Variants in TMEM132B observed in about 807,000 individuals in gnomAD.
TMEM132B encodes transmembrane protein 132B.
TMEM132B carries 18 observed loss-of-function variants against 90.8 expected under a neutral mutation model. That is an observed-to-expected ratio of 0.20 (90% CI 0.14 to 0.29). The LOEUF is 0.29. Ranked by LOEUF, TMEM132B falls within the 10% of genes least tolerant of loss-of-function variation. The probability of loss-of-function intolerance (pLI) is 1.00; values close to 1 mark genes in which losing one functional copy is unlikely to be tolerated. For missense variants in TMEM132B, 1,096 were observed against 1,326.8 expected, an observed-to-expected ratio of 0.83 and a Z score of 2.70; for synonymous variants, 504 against 523.3, an observed-to-expected ratio of 0.96 and a Z score of 0.50.
At chr12:125,199,182 G>A (rs997507240) in intron 1 of TMEM132B, among the ~76,000 whole-genome samples, 7 of 152,166 alleles carry the variant, frequency 4.6e-5, no homozygotes, top group Admixed American at 2.0e-4. Flanking sequence ...ACACGGCATC[G>A]TATGCACTTT....
At chr12:125,336,913 G>T (rs1427190340) in intron 1 of TMEM132B, among the ~76,000 whole-genome samples, 1 of 152,198 alleles carries the variant, frequency 6.6e-6, no homozygotes, top group Non-Finnish European at 1.5e-5. Context: ...TATTTAAACA[G>T]TCTCCAAGGT....
At chr12:125,509,573 G>A (rs752525870) in intron 3 of TMEM132B, among the ~76,000 whole-genome samples, 4 of 152,124 alleles carry the variant, frequency 2.6e-5, no homozygotes, top group Non-Finnish European at 5.9e-5. Context: ...TAGGTGCATC[G>A]AATATCTCTG....
chr12:125,290,899 G>A lies in TMEM132B; in HGVS notation c.68-58553G>A, dbSNP rs1274958380. Among the ~76,000 whole-genome samples, 5 of 152,304 alleles carry A rather than the reference G, an allele frequency of 3.3e-5. No individual in the cohort carries two copies. The South Asian group carries it at 8.3e-4, about 25-fold the overall frequency. ...CATGCCCTGTGTAATCTCCAGGACC[G>A]TGGATATGAGGAATATCGCTCCTGA... On this transcript the variant is annotated intron_variant, in intron 1 of 8. Transcript: ENST00000682704.
At chr12:125,548,940 C>T (rs1298492056) in intron 4 of TMEM132B, among the ~76,000 whole-genome samples, 1 of 152,136 alleles carries the variant, frequency 6.6e-6, no homozygotes, top group African/African-American at 2.4e-5. Flanking sequence ...AGCCAGTTTC[C>T]TGTGTTACCC....
At position 125,653,571 on chromosome 12, in the gene TMEM132B, A is replaced by G. The variant is rs750776762; in HGVS notation, c.2113A>G (p.Ile705Val). ...DVLQSPQQEA[I>V]VSSWILFSDG... Reference sequence around the variant, plus strand: ...TTGGTTTCATTTTCCTCAGGAAGCAATAGTAAGTTCTTGGATTTTGTTCAG... The same window carrying G: ...TTGGTTTCATTTTCCTCAGGAAGCAGTAGTAAGTTCTTGGATTTTGTTCAG... The change falls in exon 9 of 9, where the codon ATA (isoleucine) becomes GTA (valine). Residue 705 changes from isoleucine (I) to valine (V), a missense_variant. By Grantham distance (29) the Ile-to-Val change is conservative. Transcript: ENST00000682704. The G allele has an allele frequency of 1.2e-4, 200 of 1,602,176 alleles. No homozygotes were observed. Among genetic ancestry groups the G allele is most frequent in the Non-Finnish European group, 1.6e-4 (189 of 1,170,616 alleles).
chr12:125,231,515 C>G (rs1873822267), intron 1 of TMEM132B, among the ~76,000 whole-genome samples: 1 of 152,134 alleles, frequency 6.6e-6, no homozygotes, highest in Middle Eastern at 3.2e-3. Context: ...GCATGTTTGT[C>G]TTAATAGAAG....
intron 2 of TMEM132B, among the ~76,000 whole-genome samples, chr12:125,356,674 C>A (rs138048368): frequency 7.2e-5 from 11 of 152,220 alleles, no homozygotes; most frequent in African/African-American, 2.7e-4. Flanking sequence ...GTAGTCTGTT[C>A]TGGAGTTAAG....
chr12:125,333,450 A>G (rs1263175987), intron 1 of TMEM132B, among the ~76,000 whole-genome samples: 1 of 152,260 alleles, frequency 6.6e-6, no homozygotes, highest in Non-Finnish European at 1.5e-5. Flanking sequence ...AGAATTAATT[A>G]CATTCATGAA....
chr12:125,230,909 G>A (rs957711065), intron 1 of TMEM132B, among the ~76,000 whole-genome samples: 3 of 152,114 alleles, frequency 2.0e-5, no homozygotes, highest in Admixed American at 1.3e-4. Context: ...TTCGTGGCCT[G>A]TCCATACTGT....
At chr12:125,397,779 A>G (rs559950987) in intron 2 of TMEM132B, among the ~76,000 whole-genome samples, 10 of 152,352 alleles carry the variant, frequency 6.6e-5, no homozygotes, top group African/African-American at 2.2e-4. Flanking sequence ...TTTTCTTGTT[A>G]GGAACCAATG....
rs144765455 is a variant in TMEM132B at position 125,623,145 on chromosome 12, C to T, written c.1438-20931C>T. Among the ~76,000 whole-genome samples, 471 of 152,258 alleles carry T rather than the reference C, an allele frequency of 3.1e-3. 4 individuals are homozygous for T. The highest frequency in any genetic ancestry group is 0.011 in the African/African-American group (447 of 41,560). On this transcript the variant is annotated intron_variant, in intron 5 of 8. Coordinates refer to ENST00000682704, the MANE Select transcript of TMEM132B (RefSeq NM_001366854.1). ...CTGGGATTTCACCAGATCATCAACG[C>T]CCAATCCCTTCTCAGGCACCATTTG... is the stretch of plus-strand genomic sequence containing the variant.
intron 1 of TMEM132B, among the ~76,000 whole-genome samples, chr12:125,300,468 A>G (rs1481372908): frequency 2.0e-5 from 3 of 152,038 alleles, no homozygotes; most frequent in South Asian, 4.2e-4. Flanking sequence ...GGCCCTAGAG[A>G]AGTGGCACCT....
intron 4 of TMEM132B, among the ~76,000 whole-genome samples, chr12:125,557,591 C>A (rs533446924): frequency 6.6e-6 from 1 of 152,122 alleles, no homozygotes; most frequent in Admixed American, 6.5e-5. Flanking sequence ...TAGTAGGATG[C>A]ATTTAAGGAA....
chr12:125,270,201 A>G (rs1417425230), intron 1 of TMEM132B, among the ~76,000 whole-genome samples: 1 of 150,324 alleles, frequency 6.7e-6, no homozygotes, highest in African/African-American at 2.5e-5. Context: ...CAGTGGTGCA[A>G]TCACAGCTCA....
intron 1 of TMEM132B, among the ~76,000 whole-genome samples, chr12:125,273,385 A>G (rs1283452433): frequency 6.6e-6 from 1 of 152,086 alleles, no homozygotes; most frequent in East Asian, 1.9e-4. Flanking sequence ...CCAGGAGTTC[A>G]AGACCAACCC....
chr12:125,240,701 C>T (rs1874043883), intron 1 of TMEM132B, among the ~76,000 whole-genome samples: 1 of 152,186 alleles, frequency 6.6e-6, no homozygotes, highest in Non-Finnish European at 1.5e-5. Flanking sequence ...CCTGGACTCC[C>T]ATCTCTCTTC....
chr12:125,331,363 G>C (rs1876765876), intron 1 of TMEM132B, among the ~76,000 whole-genome samples: 1 of 152,250 alleles, frequency 6.6e-6, no homozygotes, highest in African/African-American at 2.4e-5. Context: ...CTGCTGTTAA[G>C]GGTTTTTACC....
chr12:125,640,022 G>A (rs1368142223), intron 5 of TMEM132B, among the ~76,000 whole-genome samples: 1 of 152,130 alleles, frequency 6.6e-6, no homozygotes, highest in East Asian at 1.9e-4. Flanking sequence ...GGGTCAGTCT[G>A]GGCCACGGCT....
chr12:125,634,645 G>A (rs892534044), intron 5 of TMEM132B, among the ~76,000 whole-genome samples: 3 of 152,130 alleles, frequency 2.0e-5, no homozygotes, highest in Non-Finnish European at 4.4e-5. Context: ...GGTAATAAAT[G>A]CTGCCAGGAC....
Sources: allele counts gnomAD v4.1 joint callset (sites outside exome capture counted in the v4.1 genomes callset), GRCh38; gene constraint gnomAD v4.1.1; transcripts MANE v1.5; gene names NCBI Gene and HGNC (gene_info 2026-07-23, HGNC 2026-07-21).